The following BLTP3A variants were observed in gnomAD, a reference collection of about 807,000 sequenced individuals.
BLTP3A encodes ICBP90 binding protein 1.
At chr6:34,823,139 A>T in the BLTP3A span, 117 of 782,492 alleles carry the variant, frequency 1.5e-4, no homozygotes, top group African/African-American at 1.7e-3. Flanking sequence ...GTCTGCCCAC[A>T]ATGGGTATAG....
chr6:34,797,936 C>T, the BLTP3A span, among the ~76,000 whole-genome samples: 2 of 152,168 alleles, frequency 1.3e-5, no homozygotes, highest in Non-Finnish European at 2.9e-5. Flanking sequence ...TGCTCTTCAA[C>T]CACTCTGCTG....
At chr6:34,800,474 A>T in the BLTP3A span, among the ~76,000 whole-genome samples, 2 of 152,246 alleles carry the variant, frequency 1.3e-5, no homozygotes, top group South Asian at 4.1e-4. Flanking sequence ...AGAACCTTAG[A>T]CTTGGGGAGT....
the BLTP3A span, among the ~76,000 whole-genome samples, chr6:34,803,801 G>A: frequency 1.3e-5 from 2 of 152,034 alleles, no homozygotes; most frequent in African/African-American, 2.4e-5. Context: ...TAGAAAATCC[G>A]AGTAAGGAGG....
At chr6:34,805,356 G>A in the BLTP3A span, among the ~76,000 whole-genome samples, 1 of 152,070 alleles carries the variant, frequency 6.6e-6, no homozygotes, top group African/African-American at 2.4e-5. Context: ...ACCTTGGGAG[G>A]CTGAGGCAAG....
chr6:34,815,314 A>T, the BLTP3A span, among the ~76,000 whole-genome samples: 1 of 151,944 alleles, frequency 6.6e-6, no homozygotes, highest in African/African-American at 2.4e-5. Flanking sequence ...TGGTGGTATG[A>T]TCTCAGCTCA....
chr6:34,853,597 G>T, the BLTP3A span, among the ~76,000 whole-genome samples: 1 of 151,886 alleles, frequency 6.6e-6, no homozygotes, highest in Admixed American at 6.6e-5. Context: ...GTCTTGCTCT[G>T]TCACCTAGGC....
the BLTP3A span, among the ~76,000 whole-genome samples, chr6:34,792,782 C>T: frequency 1.3e-5 from 2 of 152,200 alleles, no homozygotes; most frequent in African/African-American, 4.8e-5. Context: ...ATCCTATGCC[C>T]CTGCCCGTTC....
chr6:34,822,000 G>A, the BLTP3A span: 1 of 1,613,024 alleles, frequency 6.2e-7, no homozygotes, highest in Non-Finnish European at 8.5e-7. Context: ...GGGATGGCCA[G>A]GGTAGGCTTT....
chr6:34,867,560 C>A, the BLTP3A span: 1 of 1,613,966 alleles, frequency 6.2e-7, no homozygotes, highest in Non-Finnish European at 8.5e-7. Context: ...GAGGAACTGA[C>A]CCTCCAGCAG....
At chr6:34,803,175 C>T in the BLTP3A span, among the ~76,000 whole-genome samples, 1 of 150,792 alleles carries the variant, frequency 6.6e-6, no homozygotes, top group African/African-American at 2.4e-5. Context: ...CAGAGCAAGA[C>T]CCTGTATCAA....
the BLTP3A span, among the ~76,000 whole-genome samples, chr6:34,847,921 C>CTTTTTT: frequency 3.3e-5 from 3 of 91,154 alleles, no homozygotes; most frequent in African/African-American, 5.2e-5. Context: ...TCTTTTTTTC[C>CTTTTTT]TTTTTTTTTT....
At chr6:34,856,360 G>A in the BLTP3A span, 1 of 1,614,180 alleles carries the variant, frequency 6.2e-7, no homozygotes, top group Non-Finnish European at 8.5e-7. Context: ...AGACGGGTCT[G>A]AAACCACCCT....
the BLTP3A span, among the ~76,000 whole-genome samples, chr6:34,799,296 C>G: frequency 6.6e-6 from 1 of 152,092 alleles, no homozygotes; most frequent in Non-Finnish European, 1.5e-5. Flanking sequence ...TAATCTTGCC[C>G]CATTGGCATA....
At chr6:34,847,921 C>CTTTCTTT in the BLTP3A span, among the ~76,000 whole-genome samples, 9 of 91,154 alleles carry the variant, frequency 9.9e-5, 1 homozygote, top group East Asian at 3.1e-4. Flanking sequence ...TCTTTTTTTC[C>CTTTCTTT]TTTTTTTTTT....
At chr6:34,850,422 A>G in the BLTP3A span, among the ~76,000 whole-genome samples, 5 of 152,142 alleles carry the variant, frequency 3.3e-5, no homozygotes, top group East Asian at 5.8e-4. Flanking sequence ...ATTCTCTGTT[A>G]TTATCCCTTT....
the BLTP3A span, among the ~76,000 whole-genome samples, chr6:34,841,805 A>C: frequency 6.6e-6 from 1 of 152,232 alleles, no homozygotes; most frequent in South Asian, 2.1e-4. Flanking sequence ...GAAAATAAAA[A>C]AAGAAAAAAA....
At chr6:34,863,956 TG>T in the BLTP3A span, 1 of 1,524,640 alleles carries the variant, frequency 6.6e-7, no homozygotes, top group Non-Finnish European at 8.8e-7. Flanking sequence ...GGAATAAACA[TG>T]TCTCCAAAGC....
the BLTP3A span, among the ~76,000 whole-genome samples, chr6:34,795,437 G>A: frequency 2.0e-4 from 30 of 147,832 alleles, 1 homozygote; most frequent in Middle Eastern, 3.5e-3. Flanking sequence ...TCACTCTGTC[G>A]CCCAAGCTGG....
chr6:34,822,070 T>C, the BLTP3A span: 2 of 1,276,374 alleles, frequency 1.6e-6, no homozygotes, highest in African/African-American at 1.5e-5. Flanking sequence ...TGTCTCCTTA[T>C]GTCCCTGTGA....
Sources: allele counts gnomAD v4.1 joint callset (sites outside exome capture counted in the v4.1 genomes callset), GRCh38; gene constraint gnomAD v4.1.1; transcripts MANE v1.5; gene names NCBI Gene and HGNC (gene_info 2026-07-23, HGNC 2026-07-21).